The following LOC101059915 variants were observed in gnomAD, a reference collection of about 807,000 sequenced individuals.
chrX:71,669,345 G>A, the LOC101059915 span, among the ~76,000 whole-genome samples: 1 of 111,755 alleles, frequency 8.9e-6, no homozygotes, highest in South Asian at 3.8e-4. Context: ...CTGGCAGCTG[G>A]TTTGGATCAG....
chrX:71,670,517 G>C, the LOC101059915 span: 1 of 1,079,392 alleles, frequency 9.3e-7, no homozygotes, highest in East Asian at 3.3e-5. Flanking sequence ...TGCAGGCTAT[G>C]GGGGCTATAA....
the LOC101059915 span, chrX:71,671,021 C>T: frequency 1.3e-6 from 1 of 754,406 alleles, no homozygotes; most frequent in South Asian, 6.7e-5. Flanking sequence ...TGGGATGGCC[C>T]AACACCTGAG....
At chrX:71,670,913 A>T in the LOC101059915 span, 9 of 752,048 alleles carry the variant, frequency 1.2e-5, no homozygotes, top group African/African-American at 1.9e-4. Context: ...GGTTAGAGAT[A>T]CCTTATGTGT....
the LOC101059915 span, chrX:71,668,467 G>A: frequency 8.6e-7 from 1 of 1,158,150 alleles, no homozygotes. Flanking sequence ...GGTGATTAGG[G>A]TGATCATTAG....
At chrX:71,667,875 C>T in the LOC101059915 span, 1 of 1,107,644 alleles carries the variant, frequency 9.0e-7, no homozygotes, top group Non-Finnish European at 1.2e-6. Context: ...AGGCCGGCGC[C>T]CACACCGCCA....
At chrX:71,669,639 T>C in the LOC101059915 span, 1 of 968,733 alleles carries the variant, frequency 1.0e-6, no homozygotes. Flanking sequence ...ACATCAGAGC[T>C]CCCCAAGTAC....
chrX:71,671,181 T>G, the LOC101059915 span: 7 of 1,163,832 alleles, frequency 6.0e-6, no homozygotes, highest in Non-Finnish European at 6.9e-6. Context: ...GGGTCTGGAG[T>G]ACCCAGTTCT....
chrX:71,670,931 T>G, the LOC101059915 span: 1 of 753,757 alleles, frequency 1.3e-6, no homozygotes, highest in Non-Finnish European at 1.6e-6. Flanking sequence ...TGTTTTCCTT[T>G]AACTGCTGCC....
At chrX:71,670,418 C>T in the LOC101059915 span, 8 of 1,150,070 alleles carry the variant, frequency 7.0e-6, no homozygotes, top group Non-Finnish European at 9.3e-6. Flanking sequence ...TTCGGTGTCT[C>T]CCCAATCCCC....
the LOC101059915 span, chrX:71,670,839 G>A: frequency 2.7e-6 from 2 of 752,249 alleles, no homozygotes; most frequent in Non-Finnish European, 3.1e-6. Flanking sequence ...TGCACAGACA[G>A]CAATGTGTCG....
At chrX:71,667,833 C>T in the LOC101059915 span, 5 of 1,073,760 alleles carry the variant, frequency 4.7e-6, no homozygotes, top group Admixed American at 8.2e-5. Flanking sequence ...TGTCCGTTTG[C>T]AGGGCTGGTT....
the LOC101059915 span, chrX:71,670,747 G>T: frequency 9.2e-7 from 1 of 1,087,922 alleles, no homozygotes; most frequent in Non-Finnish European, 1.2e-6. Flanking sequence ...TATAGGTGGT[G>T]TCACTGGGAC....
At chrX:71,670,786 A>G in the LOC101059915 span, 1 of 1,076,521 alleles carries the variant, frequency 9.3e-7, no homozygotes, top group Non-Finnish European at 1.2e-6. Context: ...AGAACCAAGC[A>G]GGCCTGGCCC....
At chrX:71,668,633 C>T in the LOC101059915 span, 16 of 1,078,463 alleles carry the variant, frequency 1.5e-5, no homozygotes, top group Admixed American at 4.0e-5. Flanking sequence ...GTGGAGAGGC[C>T]GGCTGTGGGA....
chrX:71,669,055 T>G, the LOC101059915 span: 1 of 1,144,769 alleles, frequency 8.7e-7, no homozygotes, highest in African/African-American at 1.8e-5. Context: ...TAGGTTCTCT[T>G]CGCGCACTCC....
the LOC101059915 span, chrX:71,667,838 C>A: frequency 9.3e-7 from 1 of 1,078,151 alleles, no homozygotes; most frequent in Non-Finnish European, 1.2e-6. Flanking sequence ...GTTTGCAGGG[C>A]TGGTTTAGGC....
At chrX:71,671,006 G>A in the LOC101059915 span, 2 of 752,697 alleles carry the variant, frequency 2.7e-6, no homozygotes, top group African/African-American at 2.3e-5. Context: ...TGTTCTGAAC[G>A]GTTCTGGGAT....
At chrX:71,669,134 CACG>C in the LOC101059915 span, 2 of 1,028,732 alleles carry the variant, frequency 1.9e-6, no homozygotes, top group East Asian at 3.5e-5. Context: ...TCTTCCAGCA[CACG>C]CCTCTTTGCC....
chrX:71,671,158 T>C, the LOC101059915 span: 4 of 1,163,258 alleles, frequency 3.4e-6, no homozygotes, highest in South Asian at 5.7e-5. Flanking sequence ...AGGGCGTGGG[T>C]TTCTGTTTCC....
Sources: gnomAD v4.1 joint callset for allele counts (sites outside exome capture counted in the v4.1 genomes callset) on GRCh38, gnomAD v4.1.1 for gene constraint, MANE v1.5 for transcripts.